AEBP2: variants seen among roughly 807,000 people sequenced by gnomAD.
The protein encoded by AEBP2 is AE binding protein 2.
In AEBP2, 10 loss-of-function variants were observed where a neutral mutation model predicts 50.8. That is an observed-to-expected ratio of 0.20 (90% confidence interval 0.12 to 0.33). The LOEUF is 0.33. Among genes scored for constraint, AEBP2 ranks in the 10% least tolerant of loss-of-function variants. The probability of loss-of-function intolerance (pLI) is 1.00; values close to 1 mark genes in which losing one functional copy is unlikely to be tolerated. For synonymous variants in AEBP2, 296 were observed against 261.3 expected (o/e 1.13, Z -1.28); for missense variants, 570 against 688.0 (o/e 0.83, Z 1.92).
chr12:19,452,081 G>C (rs113453351), intron 1 of AEBP2, among the ~76,000 whole-genome samples: 392 of 152,184 alleles, frequency 2.6e-3, no homozygotes, highest in South Asian at 0.011. Context: ...AGTAGAGGTA[G>C]GGTTTCACCA....
At chr12:19,450,227 G>T (rs1444289000) in intron 1 of AEBP2, among the ~76,000 whole-genome samples, 1 of 151,858 alleles carries the variant, frequency 6.6e-6, no homozygotes. Flanking sequence ...ATTGCCCTGG[G>T]AAGGAATGTT....
intron 1 of AEBP2, among the ~76,000 whole-genome samples, chr12:19,424,643 G>A (rs1325709424): frequency 4.6e-5 from 7 of 150,788 alleles, no homozygotes; most frequent in African/African-American, 9.7e-5. Context: ...TGATCCGCCC[G>A]CCTCAGCCTC....
chr12:19,467,657 G>A (rs566908269), intron 2 of AEBP2, among the ~76,000 whole-genome samples: 2 of 152,068 alleles, frequency 1.3e-5, no homozygotes, highest in South Asian at 2.1e-4. Context: ...CTTACTAATC[G>A]AATTTCAAAT....
intron 1 of AEBP2, among the ~76,000 whole-genome samples, chr12:19,418,044 C>T (rs1269164433): frequency 6.6e-6 from 1 of 152,044 alleles, no homozygotes; most frequent in East Asian, 1.9e-4. Flanking sequence ...CCCTTCCAGG[C>T]CCTCCCAATC....
rs1016182289 is a variant in AEBP2 at position 19,520,534 on chromosome 12, A to C, written c.*2417A>C. ...AACATCCAATTATGACTGGGTAATA[A>C]GTGTGAAAATTTTAATTTGTGGTTT... is the stretch of plus-strand genomic sequence containing the variant. On this transcript the variant is annotated 3_prime_UTR_variant, in exon 8 of 8. Transcript: ENST00000266508. The C allele has an allele frequency of 7.9e-5, 12 of 152,184 alleles. No homozygotes were observed. The highest frequency in any genetic ancestry group is 2.9e-4 in the African/African-American group (12 of 41,444). The allele number at this position is 152,184 out of a possible 1,614,324, so 9.4% of individuals were successfully genotyped here.
Position 19,439,634 on chromosome 12 carries a change from GGAGA to G in AEBP2, c.-60_-57del. The G allele has an allele frequency of 6.7e-7, 1 of 1,492,548 alleles. No homozygotes were observed. The highest frequency in any genetic ancestry group is 1.3e-5 in the South Asian group (1 of 79,102). The allele number at this position is 1,492,548 out of a possible 1,614,324, so 92.5% of individuals were successfully genotyped here. On this transcript the variant is annotated 5_prime_UTR_variant, in exon 1 of 8. Coordinates refer to ENST00000266508, the MANE Select transcript of AEBP2 (RefSeq NM_153207.5). ...TTTGGGCGTTTGGGAGGGGGGCGAG[GGAGA>G]GAGAGTCGAGAGAGGGAGGCGGCGG...
intron 1 of AEBP2, among the ~76,000 whole-genome samples, chr12:19,452,796 A>G (rs1361966498): frequency 6.6e-6 from 1 of 152,118 alleles, no homozygotes; most frequent in African/African-American, 2.4e-5. Context: ...ACATAGTGTA[A>G]TCTTTCTAGT....
At chr12:19,466,743 T>A in intron 2 of AEBP2, 2 of 956,718 alleles carry the variant, frequency 2.1e-6, no homozygotes, top group Non-Finnish European at 2.5e-6. Flanking sequence ...TCTTTCTCTC[T>A]TAAGTGTTAA....
At chr12:19,497,514 C>G (rs530844535) in intron 4 of AEBP2, among the ~76,000 whole-genome samples, 26 of 151,674 alleles carry the variant, frequency 1.7e-4, no homozygotes, top group Admixed American at 2.6e-4. Flanking sequence ...ACTTTGTTGC[C>G]GAGGCTGGAG....
intron 4 of AEBP2, among the ~76,000 whole-genome samples, chr12:19,494,380 G>T (rs1387487099): frequency 6.6e-6 from 1 of 151,984 alleles, no homozygotes; most frequent in Non-Finnish European, 1.5e-5. Context: ...AGGCTGCAGT[G>T]AGCCGTGATC....
At chr12:19,444,870 A>G (rs911057630) in intron 1 of AEBP2, among the ~76,000 whole-genome samples, 1 of 152,142 alleles carries the variant, frequency 6.6e-6, no homozygotes, top group African/African-American at 2.4e-5. Flanking sequence ...TAAATTGAGA[A>G]TACCAACAGT....
At chr12:19,406,491 C>G (rs2095736336) in intron 1 of AEBP2, among the ~76,000 whole-genome samples, 1 of 151,788 alleles carries the variant, frequency 6.6e-6, no homozygotes, top group African/African-American at 2.4e-5. Flanking sequence ...TCAGCCTGAC[C>G]AATATGATGA....
intron 1 of AEBP2, among the ~76,000 whole-genome samples, chr12:19,451,561 A>G (rs866531320): frequency 1.2e-4 from 18 of 152,202 alleles, no homozygotes; most frequent in Admixed American, 4.6e-4. Context: ...GAAGTCTGGC[A>G]TCATCACTTC....
intron 2 of AEBP2, among the ~76,000 whole-genome samples, chr12:19,471,424 T>G (rs898838396): frequency 3.3e-5 from 5 of 151,924 alleles, no homozygotes; most frequent in African/African-American, 1.2e-4. Flanking sequence ...GTGAGTCTAG[T>G]AGTCTTGATT....
intron 1 of AEBP2, among the ~76,000 whole-genome samples, chr12:19,417,939 T>C (rs1361298225): frequency 6.6e-6 from 1 of 152,102 alleles, no homozygotes; most frequent in Non-Finnish European, 1.5e-5. Flanking sequence ...TCCTGACCTC[T>C]GATCCACCTG....
At chr12:19,443,238 A>G (rs1422869345) in intron 1 of AEBP2, among the ~76,000 whole-genome samples, 1 of 151,802 alleles carries the variant, frequency 6.6e-6, no homozygotes, top group African/African-American at 2.4e-5. Context: ...CTGGGATTAC[A>G]GGTGAGTGCC....
chr12:19,427,091 G>A (rs930472941), intron 1 of AEBP2, among the ~76,000 whole-genome samples: 2 of 152,054 alleles, frequency 1.3e-5, no homozygotes, highest in Admixed American at 6.6e-5. Context: ...TAAAAAGGCA[G>A]AGGAAGGTCG....
chr12:19,440,925 TAGTC>T (rs1947946503), intron 1 of AEBP2, among the ~76,000 whole-genome samples: 1 of 152,256 alleles, frequency 6.6e-6, no homozygotes, highest in African/African-American at 2.4e-5. Flanking sequence ...CCCTCATTTG[TAGTC>T]AGTCATGTGG....
At chr12:19,415,683 A>C (rs796965635) in intron 1 of AEBP2, among the ~76,000 whole-genome samples, 2 of 151,202 alleles carry the variant, frequency 1.3e-5, no homozygotes, top group South Asian at 4.2e-4. Flanking sequence ...ATACAATACA[A>C]TACAATACAA....
Sources: gnomAD v4.1 joint callset for allele counts (sites outside exome capture counted in the v4.1 genomes callset) on GRCh38, gnomAD v4.1.1 for gene constraint, MANE v1.5 for transcripts, NCBI Gene and HGNC (gene_info 2026-07-23, HGNC 2026-07-21) for gene names.